ATP12A: variants seen among roughly 807,000 people sequenced by gnomAD.
The protein encoded by ATP12A is ATPase H+/K+ transporting non-gastric alpha2 subunit.
ATP12A carries 81 observed loss-of-function variants against 111.2 expected under a neutral mutation model. The observed-to-expected ratio is 0.73, with a 90% CI of 0.61 to 0.88. The LOEUF (loss-of-function observed/expected upper bound fraction) is 0.88, where lower values mean the gene tolerates loss of function less well. ATP12A is among the 40% of genes least tolerant of loss of function. The pLI, the probability that ATP12A is intolerant of heterozygous loss-of-function variation, is 0.00. For synonymous variants in ATP12A, 498 were observed against 499.8 expected (o/e 1.00, Z 0.05); for missense variants, 1,196 against 1,313.1 (o/e 0.91, Z 1.38).
At chr13:24,693,588 C>T (rs1228136045) in intron 10 of ATP12A, among the ~76,000 whole-genome samples, 3 of 152,228 alleles carry the variant, frequency 2.0e-5, no homozygotes, top group East Asian at 1.9e-4. Flanking sequence ...AACTCCAACC[C>T]GAATCTCTGG....
At chr13:24,694,626 C>T in intron 11 of ATP12A, 48 bp downstream of exon 11, 1 of 1,609,978 alleles carries the variant, frequency 6.2e-7, no homozygotes. Flanking sequence ...GCAGCATGAC[C>T]TTTCTACTTG....
intron 11 of ATP12A, among the ~76,000 whole-genome samples, chr13:24,695,034 T>C (rs1300179138): frequency 6.6e-6 from 1 of 152,184 alleles, no homozygotes; most frequent in African/African-American, 2.4e-5. Flanking sequence ...CCTTGTTCCA[T>C]GTTCGCATCC....
chr13:24,711,746 A>G lies in ATP12A; in HGVS notation c.*224A>G, dbSNP rs1364306603. 2 of 603,622 alleles carry G rather than the reference A, an allele frequency of 3.3e-6. No individual in the cohort carries two copies. Among genetic ancestry groups the G allele is most frequent in the Non-Finnish European group, 5.8e-6 (2 of 343,884 alleles). The allele number at this position is 603,622 out of a possible 1,614,324, so 37.4% of individuals were successfully genotyped here. ...TTTTCTTTTCTATCTCCATCTCCTC[A>G]TTAAAAAATACGTACATTTCGAGGT... On this transcript the variant is annotated 3_prime_UTR_variant, in exon 23 of 23. Transcript: ENST00000381946.
At chr13:24,709,339 A>G in intron 17 of ATP12A, 25 bp from the exon 18 acceptor site, 3 of 1,390,910 alleles carry the variant, frequency 2.2e-6, no homozygotes, top group Non-Finnish European at 2.9e-6. Flanking sequence ...CTGGGGTTAG[A>G]CCTCACCAGC....
rs774093370 is a variant in ATP12A at position 24,692,562 on chromosome 13, T to A, written c.1202T>A (p.Met401Lys). Residue 401 changes from methionine (M) to lysine (K), a missense_variant, in exon 9 of 23, where the codon ATG becomes AAG. Physicochemically the swap from Met to Lys is moderately conservative, Grantham distance 95. Coordinates refer to ENST00000381946, the MANE Select transcript of ATP12A (RefSeq NM_001676.7). ...DKTGTLTQNR[M>K]TVAHLWFDNQ... ...ACTGGGACACTGACCCAGAACAGGATGACAGTGGCCCATCTGTGGTTCGAC... is the reference window on the plus strand; with the variant it reads ...ACTGGGACACTGACCCAGAACAGGAAGACAGTGGCCCATCTGTGGTTCGAC... 5.5e-5 allele frequency: 89 copies of A among 1,614,060 alleles called. No individual in the cohort carries two copies. The highest frequency in any genetic ancestry group is 7.4e-5 in the Non-Finnish European group (87 of 1,180,038).
Position 24,707,828 on chromosome 13 carries a change from G to A in ATP12A, c.2493+395G>A, listed in dbSNP as rs375648929. Among the ~76,000 whole-genome samples, 14 of 152,194 alleles carry A rather than the reference G, an allele frequency of 9.2e-5. No individual in the cohort carries two copies. In the East Asian group the frequency reaches 2.5e-3, roughly 27 times the overall value. ...CAAGTAGTTGGGACTACAGGCTTGT[G>A]CCACCACACCTGGCTAATTTTTGTA... On this transcript the variant is annotated intron_variant, in intron 17 of 22. Transcript: ENST00000381946.
At chr13:24,708,892 GAAAGAAAGGAAA>G (rs1566078192) in intron 17 of ATP12A, among the ~76,000 whole-genome samples, 10 of 125,460 alleles carry the variant, frequency 8.0e-5, no homozygotes, top group African/African-American at 3.1e-4. Context: ...GAAAGAGAAA[GAAAGAAAGGAAA>G]GAAAGAAAGA....
At chr13:24,683,397 C>A (rs543232821) in intron 2 of ATP12A, among the ~76,000 whole-genome samples, 5 of 152,318 alleles carry the variant, frequency 3.3e-5, no homozygotes, top group African/African-American at 1.2e-4. Context: ...GATCTTAAAG[C>A]TCTGTGACTC....
chr13:24,697,658 A>AT (rs1270849951), intron 11 of ATP12A, among the ~76,000 whole-genome samples: 1 of 143,130 alleles, frequency 7.0e-6, no homozygotes, highest in Admixed American at 7.2e-5. Context: ...AAAAAAAAAA[A>AT]TTTAAGAGAG....
intron 3 of ATP12A, among the ~76,000 whole-genome samples, chr13:24,686,820 T>G (rs1032813157): frequency 2.6e-5 from 4 of 151,996 alleles, no homozygotes; most frequent in African/African-American, 9.7e-5. Context: ...CCAGCAGGAC[T>G]TGCGGGGATT....
chr13:24,711,564 A>T lies in ATP12A; in HGVS notation c.*42A>T. On this transcript the variant is annotated 3_prime_UTR_variant, in exon 23 of 23. Transcript: ENST00000381946. Reference sequence around the variant, plus strand: ...ATGTCTCTCAGCAGCACGTTGGGGCACACTTGTTCATCTTCTGACCGTTTG... The same window carrying T: ...ATGTCTCTCAGCAGCACGTTGGGGCTCACTTGTTCATCTTCTGACCGTTTG... The T allele has an allele frequency of 6.2e-7, 1 of 1,612,646 alleles. No individual in the cohort carries two copies. Among genetic ancestry groups the T allele is most frequent in the Non-Finnish European group, 8.5e-7 (1 of 1,178,762 alleles).
Position 24,689,344 on chromosome 13 carries a change from T to A in ATP12A, c.515T>A (p.Ile172Asn), listed in dbSNP as rs763002314. Residue 172 changes from isoleucine (I) to asparagine (N), a missense_variant, in exon 5 of 23, where the codon ATC (isoleucine) becomes AAC (asparagine). Physicochemically the swap from Ile to Asn is moderately radical, Grantham distance 149. Coordinates refer to ENST00000381946, the MANE Select transcript of ATP12A (RefSeq NM_001676.7). Reference protein sequence around the residue: ...AYYQEAKSTNIMSSFNKMIPQ... With the variant: ...AYYQEAKSTNNMSSFNKMIPQ... ...TACCAAGAGGCAAAAAGCACCAACA[T>A]CATGTCCAGCTTCAATAAGATGATC... 1.1e-5 allele frequency: 18 copies of A among 1,614,002 alleles called. No homozygotes were observed. Among genetic ancestry groups the A allele is most frequent in the Non-Finnish European group, 1.5e-5 (18 of 1,179,994 alleles).
chr13:24,686,627 T>C (rs970874545), intron 3 of ATP12A, among the ~76,000 whole-genome samples: 3 of 151,850 alleles, frequency 2.0e-5, no homozygotes, highest in Non-Finnish European at 4.4e-5. Flanking sequence ...TAGTCCCAGC[T>C]ACTCGGGAGG....
Position 24,692,495 on chromosome 13 carries a change from G to A in ATP12A, c.1135G>A (p.Val379Met), listed in dbSNP as rs146073882. The stretch of plus-strand genomic sequence containing the variant: ...CTGCCTGGTGAAGAACCTGGAGGCT[G>A]TGGAGACCCTCGGCTCCACCTCCAT... ...KNCLVKNLEA[V>M]ETLGSTSIIC... Residue 379 changes from valine to methionine, a missense_variant, in exon 9 of 23, where the codon GTG becomes ATG. This residue lies in a region of ATP12A where 1,126 missense variants were observed against 1,228.5 expected (regional missense o/e 0.92). Coordinates refer to ENST00000381946, the MANE Select transcript of ATP12A (RefSeq NM_001676.7). 4 of 1,614,108 alleles carry A rather than the reference G, an allele frequency of 2.5e-6. No individual in the cohort carries two copies. The African/African-American group carries it at 4.0e-5, about 16-fold the overall frequency.
chr13:24,708,869 A>T (rs1875787577), intron 17 of ATP12A, among the ~76,000 whole-genome samples: 1 of 124,652 alleles, frequency 8.0e-6, no homozygotes, highest in African/African-American at 2.7e-5. Context: ...AAAGAGAGAA[A>T]GAGAAAGAGA....
chr13:24,710,292 T>C (rs1341395091), intron 19 of ATP12A, among the ~76,000 whole-genome samples, 168 bp from the exon 20 acceptor site: 1 of 152,196 alleles, frequency 6.6e-6, no homozygotes. Context: ...TTTTCTCTAC[T>C]CAGCTGGTTC....
At position 24,698,808 on chromosome 13, in the gene ATP12A, A is replaced by G. The variant is rs199687441; in HGVS notation, c.1663A>G (p.Thr555Ala). Residue 555 changes from threonine to alanine, a missense_variant, in exon 12 of 23, where the codon ACA becomes GCA. Physicochemically the swap from Thr to Ala is moderately conservative, Grantham distance 58. Around this residue, in one of 3 missense-constraint regions of ATP12A, gnomAD observed 1,126 missense variants for 1,228.5 expected, o/e 0.92. Transcript: ENST00000381946. ...LDKSTAKTFH[T>A]AYMELGGLGE... ...CAAGAGCACTGCCAAGACCTTCCAC[A>G]CAGCCTACATGGAGCTGGGCGGGTT... The G allele has an allele frequency of 7.3e-5, 118 of 1,613,860 alleles. No individual in the cohort carries two copies. The highest frequency in any genetic ancestry group is 5.7e-4 in the South Asian group (52 of 91,080).
chr13:24,686,703 C>T (rs532347533), intron 3 of ATP12A, among the ~76,000 whole-genome samples: 3 of 151,832 alleles, frequency 2.0e-5, no homozygotes, highest in Non-Finnish European at 2.9e-5. Context: ...CGCGCCACTG[C>T]CCTCCAGCCT....
intron 2 of ATP12A, among the ~76,000 whole-genome samples, chr13:24,684,644 T>A (rs1171659004): frequency 6.6e-6 from 1 of 152,154 alleles, no homozygotes; most frequent in Non-Finnish European, 1.5e-5. Flanking sequence ...AGGATGTTAG[T>A]GGGTGGAGCC....
Sources: allele counts gnomAD v4.1 joint callset (sites outside exome capture counted in the v4.1 genomes callset), GRCh38; gene constraint gnomAD v4.1.1; regional missense constraint gnomAD v4.1.1; transcripts MANE v1.5; gene names NCBI Gene and HGNC (gene_info 2026-07-23, HGNC 2026-07-21).